DAPP1: variants seen among roughly 807,000 people sequenced by gnomAD.
DAPP1 encodes dual adaptor of phosphotyrosine and 3-phosphoinositides 1, also known as dual adapter for phosphotyrosine and 3-phosphotyrosine and 3-phosphoinositide.
DAPP1 carries 20 observed loss-of-function variants against 41.5 expected under a neutral mutation model. The observed-to-expected ratio is 0.48, with a 90% CI of 0.34 to 0.70. DAPP1 has a LOEUF of 0.70. DAPP1 is among the 30% of genes least tolerant of loss of function. The probability of loss-of-function intolerance (pLI) is 0.01; values close to 1 mark genes in which losing one functional copy is unlikely to be tolerated. For synonymous variants in DAPP1, 113 were observed against 116.2 expected (o/e 0.97, Z 0.18); for missense variants, 233 against 333.4 (o/e 0.70, Z 2.35).
chr4:99,859,693 C>T (rs1419076153), intron 4 of DAPP1, among the ~76,000 whole-genome samples: 1 of 152,184 alleles, frequency 6.6e-6, no homozygotes, highest in Non-Finnish European at 1.5e-5. Context: ...TCCAACCACC[C>T]AGTCATGCTT....
In DAPP1 at chr4:99,869,462, C is replaced by G. The variant is rs1724572576; in HGVS notation, c.*1277C>G. On this transcript the variant is annotated 3_prime_UTR_variant, in exon 9 of 9. Transcript: ENST00000512369. ...CTGCAAAGCTATGATATAAACTGCT[C>G]TTGCAGTCCAAAGGGATACCTGATT... 6.6e-6 allele frequency: 1 copy of G among 152,160 alleles called. No homozygotes were observed. 9.4% of individuals were successfully genotyped at this position (152,160 alleles called of 1,614,324 possible). A position where few individuals can be genotyped will look rare whatever the true frequency, so the allele number is the denominator to read the frequency against.
At chr4:99,862,344 C>T (rs1262391409) in intron 5 of DAPP1, among the ~76,000 whole-genome samples, 3 of 152,156 alleles carry the variant, frequency 2.0e-5, no homozygotes, top group Non-Finnish European at 2.9e-5. Flanking sequence ...TAACTGGGCA[C>T]ATTGACACCC....
chr4:99,843,966 T>C (rs1473904848), intron 3 of DAPP1, among the ~76,000 whole-genome samples: 1 of 152,248 alleles, frequency 6.6e-6, no homozygotes, highest in Non-Finnish European at 1.5e-5. Flanking sequence ...TCAAAGTTTA[T>C]AAAAACATAA....
chr4:99,859,863 T>C (rs1724177377), intron 4 of DAPP1, among the ~76,000 whole-genome samples: 1 of 152,190 alleles, frequency 6.6e-6, no homozygotes, highest in African/African-American at 2.4e-5. Context: ...CAGCTGCTGC[T>C]GCCACTGTCA....
chr4:99,832,146 C>G (rs1232090749), intron 1 of DAPP1, among the ~76,000 whole-genome samples: 1 of 152,144 alleles, frequency 6.6e-6, no homozygotes, highest in Non-Finnish European at 1.5e-5. Flanking sequence ...TATTTGTCAC[C>G]CAGTCTGAGG....
chr4:99,839,865 A>G (rs1723436626), intron 2 of DAPP1, among the ~76,000 whole-genome samples: 2 of 152,198 alleles, frequency 1.3e-5, no homozygotes, highest in Non-Finnish European at 2.9e-5. Context: ...AGTTCAAGAC[A>G]AGCCTGGCCA....
chr4:99,871,702 G>T (rs1469688669), downstream of DAPP1, among the ~76,000 whole-genome samples: 1 of 152,202 alleles, frequency 6.6e-6, no homozygotes, highest in Non-Finnish European at 1.5e-5. Flanking sequence ...GCCTTCTTGA[G>T]AAAGAATTCA....
intron 1 of DAPP1, among the ~76,000 whole-genome samples, chr4:99,821,807 T>C (rs867928875): frequency 2.0e-5 from 3 of 152,228 alleles, no homozygotes; most frequent in Non-Finnish European, 1.5e-5. Context: ...CAAAGTTTAC[T>C]ATAAAAGACA....
At chr4:99,839,256 G>A (rs1723409067) in intron 2 of DAPP1, among the ~76,000 whole-genome samples, 1 of 151,952 alleles carries the variant, frequency 6.6e-6, no homozygotes, top group Non-Finnish European at 1.5e-5. Flanking sequence ...TGATTCTGAA[G>A]CATGCTAACA....
In DAPP1 at chr4:99,835,690, A is replaced by C. The variant is rs1238421501; in HGVS notation, c.169A>C (p.Ser57Arg). The C allele has an allele frequency of 6.2e-7, 1 of 1,613,890 alleles. No individual in the cohort carries two copies. Among genetic ancestry groups the C allele is most frequent in the Admixed American group, 1.7e-5 (1 of 60,020 alleles). The change falls in exon 2 of 9, where the codon AGC becomes CGC. Residue 57 changes from serine to arginine, a missense_variant. Transcript: ENST00000512369. Reference protein sequence around the residue: ...ALLLSNGCDGSYLLRDSNETT... With the variant: ...ALLLSNGCDGRYLLRDSNETT... ...TCTCCTCTCAAATGGATGTGACGGCAGCTACCTTCTGAGGGACAGCAATGA... is the reference window on the plus strand; with the variant it reads ...TCTCCTCTCAAATGGATGTGACGGCCGCTACCTTCTGAGGGACAGCAATGA...
intron 5 of DAPP1, among the ~76,000 whole-genome samples, chr4:99,861,939 T>C (rs990681466): frequency 6.6e-6 from 1 of 152,236 alleles, no homozygotes. Flanking sequence ...TTCGTTCTTC[T>C]TCTAAAACAA....
chr4:99,854,081 C>CT (rs1262785935), intron 4 of DAPP1, among the ~76,000 whole-genome samples: 1 of 152,076 alleles, frequency 6.6e-6, no homozygotes, highest in African/African-American at 2.4e-5. Flanking sequence ...TTTTTTCTAG[C>CT]TTTTTTTCCT....
intron 4 of DAPP1, among the ~76,000 whole-genome samples, chr4:99,857,851 A>G (rs1362049501): frequency 2.6e-5 from 4 of 152,162 alleles, no homozygotes; most frequent in Non-Finnish European, 2.9e-5. Context: ...AACAAATTCC[A>G]TAATATTCCA....
At chr4:99,828,555 G>A (rs57412643) in intron 1 of DAPP1, among the ~76,000 whole-genome samples, 23 of 152,098 alleles carry the variant, frequency 1.5e-4, no homozygotes, top group African/African-American at 4.1e-4. Context: ...AACTATGAAG[G>A]TTCCACTATT....
At chr4:99,830,618 C>A (rs1578349813) in intron 1 of DAPP1, among the ~76,000 whole-genome samples, 2 of 152,314 alleles carry the variant, frequency 1.3e-5, no homozygotes, top group East Asian at 3.9e-4. Context: ...CACATGACTA[C>A]ATGATATTCT....
chr4:99,863,347 A>G (rs1008647248), intron 6 of DAPP1, among the ~76,000 whole-genome samples: 8 of 152,156 alleles, frequency 5.3e-5, no homozygotes, highest in Admixed American at 4.6e-4. Context: ...TCTTGCCACA[A>G]TTTATTAACT....
intron 3 of DAPP1, among the ~76,000 whole-genome samples, chr4:99,846,374 A>G (rs187785871): frequency 8.5e-4 from 130 of 152,266 alleles, no homozygotes; most frequent in African/African-American, 2.9e-3. Flanking sequence ...CTCCTCAGGT[A>G]AGTTAAATAA....
At position 99,835,749 on chromosome 4, in the gene DAPP1, A is replaced by T; in HGVS notation, c.224+4A>T. 2 of 1,613,624 alleles carry T rather than the reference A, an allele frequency of 1.2e-6. No individual in the cohort carries two copies. Among genetic ancestry groups the T allele is most frequent in the Non-Finnish European group, 1.7e-6 (2 of 1,179,688 alleles). On this transcript the variant is annotated splice_donor_region_variant and intron_variant, in intron 2 of 8. Transcript: ENST00000512369. Reference sequence around the variant, plus strand: ...GGCTGTACTCTCTCTCTGTGAGGTAAGGTGCTTCAGGGCTCTACGACTTCA... The same window carrying T: ...GGCTGTACTCTCTCTCTGTGAGGTATGGTGCTTCAGGGCTCTACGACTTCA...
intron 4 of DAPP1, among the ~76,000 whole-genome samples, chr4:99,860,360 G>C (rs1284124579): frequency 1.3e-5 from 2 of 152,112 alleles, no homozygotes; most frequent in Non-Finnish European, 2.9e-5. Flanking sequence ...TTTACTCCTA[G>C]TTATTTTGCC....
Sources: allele counts gnomAD v4.1 joint callset (sites outside exome capture counted in the v4.1 genomes callset), GRCh38; gene constraint gnomAD v4.1.1; transcripts MANE v1.5; gene names NCBI Gene and HGNC (gene_info 2026-07-23, HGNC 2026-07-21).